The following ZFP91 variants were observed in gnomAD, a reference collection of about 807,000 sequenced individuals.
The protein encoded by ZFP91 is ZFP91 zinc finger protein, atypical E3 ubiquitin ligase.
A neutral mutation model predicts 63.5 loss-of-function variants in ZFP91; 7 were observed. That is an observed-to-expected ratio of 0.11 (90% confidence interval 0.06 to 0.21). ZFP91 has a LOEUF of 0.21. Ranked by LOEUF, ZFP91 falls within the 10% of genes least tolerant of loss-of-function variation. ZFP91 has a pLI of 1.00. For missense variants in ZFP91, 628 were observed against 736.6 expected, an observed-to-expected ratio of 0.85 and a Z score of 1.71; for synonymous variants, 330 against 272.1, an observed-to-expected ratio of 1.21 and a Z score of -2.10.
At chr11:58,611,582 T>G (rs777579558) in intron 5 of ZFP91, 22 bp from the exon 6 acceptor site, 1 of 1,608,400 alleles carries the variant, frequency 6.2e-7, no homozygotes, top group East Asian at 2.2e-5. Flanking sequence ...TGTCTAGTAT[T>G]GAAATGCATT....
chr11:58,618,964 G>C lies in ZFP91; in HGVS notation c.*1258G>C, dbSNP rs976643688. On this transcript the variant is annotated 3_prime_UTR_variant, in exon 11 of 11. Coordinates refer to ENST00000316059, the MANE Select transcript of ZFP91 (RefSeq NM_053023.5). ...AATTTGTTTCTTTTCCTTTTTTTTTGTCCCTACCATTTCCTTACATTTCCC... is the reference window on the plus strand; with the variant it reads ...AATTTGTTTCTTTTCCTTTTTTTTTCTCCCTACCATTTCCTTACATTTCCC... The C allele has an allele frequency of 1.2e-4, 28 of 227,604 alleles. No individual in the cohort carries two copies. The highest frequency in any genetic ancestry group is 2.1e-4 in the Non-Finnish European group (24 of 114,740). The allele number at this position is 227,604 out of a possible 1,614,324, so 14.1% of individuals were successfully genotyped here.
chr11:58,609,029 C>T (rs1219803098), intron 2 of ZFP91, among the ~76,000 whole-genome samples: 1 of 152,070 alleles, frequency 6.6e-6, no homozygotes, highest in Non-Finnish European at 1.5e-5. Context: ...CTTTCCCGTT[C>T]TGAGTTTATT....
Position 58,617,562 on chromosome 11 carries a change from G to A in ZFP91, c.1569G>A (p.Thr523=), listed in dbSNP as rs148313858. The change falls in exon 11 of 11, where the codon ACG becomes ACA. Residue 523 remains threonine, a synonymous_variant. Transcript: ENST00000316059. This position sits in a 1 kb window ranked among gnomAD's most constrained non-coding sequence, Gnocchi z 4.2. ...TGTCAAAGTCATACTGCAGTGGGAC[G>A]GAACGGGTGAGCCTGATGGCTGATG... The part of the protein sequence containing the change: ...EGMSKSYCSG[T]ERVSLMADGK... 58 of 1,612,952 alleles carry A rather than the reference G, an allele frequency of 3.6e-5. No homozygotes were observed. Among genetic ancestry groups the A allele is most frequent in the Admixed American group, 5.0e-5 (3 of 59,760 alleles).
Position 58,617,070 on chromosome 11 carries a change from T to G in ZFP91, c.1203-126T>G, listed in dbSNP as rs375930723. ...TTCAAAAGAAGTATGTTACTGATTA[T>G]TGTGTGTGTGTGTGTGTGTGTGTGT... On this transcript the variant is annotated intron_variant, in intron 10 of 10. Coordinates refer to ENST00000316059, the MANE Select transcript of ZFP91 (RefSeq NM_053023.5). This position sits in a 1 kb window ranked among gnomAD's most constrained non-coding sequence, Gnocchi z 4.2. The G allele has an allele frequency of 4.3e-5, 32 of 740,510 alleles. No homozygotes were observed. In the African/African-American group the frequency reaches 4.6e-4, roughly 11 times the overall value. The allele number at this position is 740,510 out of a possible 1,614,324, so 45.9% of individuals were successfully genotyped here.
chr11:58,615,736 C>T (rs1056768794), intron 9 of ZFP91, among the ~76,000 whole-genome samples: 3 of 152,148 alleles, frequency 2.0e-5, no homozygotes, highest in Non-Finnish European at 2.9e-5. Flanking sequence ...GAATCTCAGG[C>T]CCTGCTTCAG....
intron 7 of ZFP91, 42 bp downstream of exon 7, chr11:58,612,370 TACCAGGC>T: frequency 6.3e-7 from 1 of 1,590,382 alleles, no homozygotes; most frequent in East Asian, 2.2e-5. Flanking sequence ...CTTATTCCAG[TACCAGGC>T]ACTTTACTCA....
chr11:58,607,426 T>C (rs1434475081), intron 2 of ZFP91, among the ~76,000 whole-genome samples: 2 of 152,180 alleles, frequency 1.3e-5, no homozygotes, highest in African/African-American at 4.8e-5. Flanking sequence ...GTGCTTAGAC[T>C]GAATGGCCTT....
At position 58,579,222 on chromosome 11, in the gene ZFP91, G is replaced by A. The variant is rs1302763392; in HGVS notation, c.-60G>A. On this transcript the variant is annotated 5_prime_UTR_variant, in exon 1 of 11. Coordinates refer to ENST00000316059, the MANE Select transcript of ZFP91 (RefSeq NM_053023.5). ...GCGAGGGGGCGGGGGGAGCAGCGCC[G>A]AGGCCGCCGCCTCCGCCTCCGCCGC... 9 of 1,335,998 alleles carry A rather than the reference G, an allele frequency of 6.7e-6. No homozygotes were observed. In the African/African-American group the frequency reaches 7.9e-5, roughly 12 times the overall value. The allele number at this position is 1,335,998 out of a possible 1,614,324, so 82.8% of individuals were successfully genotyped here. A position where few individuals can be genotyped will look rare whatever the true frequency, so the allele number is the denominator to read the frequency against.
At position 58,612,420 on chromosome 11, in the gene ZFP91, T is replaced by C. The variant is rs1254845531; in HGVS notation, c.908+92T>C. ...AGACTTCATGATAATCCTGCAGGAA[T>C]GGCTATTTAAAAATTTCACAAAAGC... On this transcript the variant is annotated intron_variant, in intron 7 of 10. Coordinates refer to ENST00000316059, the MANE Select transcript of ZFP91 (RefSeq NM_053023.5). The C allele has an allele frequency of 3.0e-6, 4 of 1,323,090 alleles. No homozygotes were observed. The African/African-American group carries it at 5.9e-5, about 20-fold the overall frequency. The allele number at this position is 1,323,090 out of a possible 1,614,324, so 82.0% of individuals were successfully genotyped here. A position where few individuals can be genotyped will look rare whatever the true frequency, so the allele number is the denominator to read the frequency against.
intron 2 of ZFP91, among the ~76,000 whole-genome samples, chr11:58,604,609 A>C (rs1231464579): frequency 6.6e-6 from 1 of 152,134 alleles, no homozygotes; most frequent in Non-Finnish European, 1.5e-5. Flanking sequence ...TTTACTTTGA[A>C]CCTGTTTGTG....
In ZFP91 at chr11:58,616,775, G is replaced by T. The variant is rs759486324; in HGVS notation, c.1162G>T (p.Ala388Ser). Residue 388 changes from alanine (A) to serine (S), a missense_variant, in exon 10 of 11, where the codon GCA becomes TCA. Ala to Ser is a moderately conservative substitution (Grantham distance 99). Around this residue, in one of 3 missense-constraint regions of ZFP91, gnomAD observed 76 missense variants for 230.9 expected, o/e 0.33. Coordinates refer to ENST00000316059, the MANE Select transcript of ZFP91 (RefSeq NM_053023.5). Reference protein sequence around the residue: ...ARAFKSSHNLAVHRMIHTGEK... With the variant: ...ARAFKSSHNLSVHRMIHTGEK... ...GGCCTTCAAGAGTTCCCACAATCTGGCAGTGCACCGGATGATTCACACTGG... is the reference window on the plus strand; with the variant it reads ...GGCCTTCAAGAGTTCCCACAATCTGTCAGTGCACCGGATGATTCACACTGG... 1 of 1,613,832 alleles carries T rather than the reference G, an allele frequency of 6.2e-7. No homozygotes were observed. The highest frequency in any genetic ancestry group is 1.1e-5 in the South Asian group (1 of 91,070).
At chr11:58,614,804 C>T (rs1306579502) in intron 9 of ZFP91, among the ~76,000 whole-genome samples, 1 of 152,132 alleles carries the variant, frequency 6.6e-6, no homozygotes, top group Non-Finnish European at 1.5e-5. Context: ...GTTGAATTTG[C>T]ATGTAAACTC....
At chr11:58,583,956 C>T (rs907255834) in intron 1 of ZFP91, among the ~76,000 whole-genome samples, 26 of 152,046 alleles carry the variant, frequency 1.7e-4, no homozygotes, top group African/African-American at 6.0e-4. Context: ...CAGAGATACT[C>T]TGTGGTATCT....
chr11:58,620,766 C>G lies in ZFP91; in HGVS notation c.*3060C>G, dbSNP rs755911786. ...TTTTTCTCCTTTTGTGTTTTTCCCA[C>G]TTTCCAATGTACTCAAGAAAATTGA... On this transcript the variant is annotated 3_prime_UTR_variant, in exon 11 of 11. Transcript: ENST00000316059. 7.2e-5 allele frequency: 11 copies of G among 152,650 alleles called. No homozygotes were observed. The highest frequency in any genetic ancestry group is 9.6e-5 in the African/African-American group (4 of 41,532). 9.5% of individuals were successfully genotyped at this position (152,650 alleles called of 1,614,324 possible).
intron 1 of ZFP91, among the ~76,000 whole-genome samples, chr11:58,581,039 A>G (rs374634576): frequency 1.3e-5 from 2 of 152,176 alleles, no homozygotes; most frequent in Non-Finnish European, 1.5e-5. Flanking sequence ...TTCCTTACCT[A>G]TAGAGGATAA....
chr11:58,604,765 CATT>C (rs1417150546), intron 2 of ZFP91, among the ~76,000 whole-genome samples: 4 of 152,136 alleles, frequency 2.6e-5, no homozygotes, highest in Non-Finnish European at 5.9e-5. Flanking sequence ...TATCAGCTAT[CATT>C]AGTGTATTTT....
At chr11:58,605,480 G>T (rs1346636768) in intron 2 of ZFP91, among the ~76,000 whole-genome samples, 1 of 151,832 alleles carries the variant, frequency 6.6e-6, no homozygotes, top group Non-Finnish European at 1.5e-5. Flanking sequence ...GTGATAATCT[G>T]TTTTTGATTT....
intron 2 of ZFP91, among the ~76,000 whole-genome samples, chr11:58,602,943 C>CA (rs1244796109): frequency 6.6e-6 from 1 of 152,000 alleles, no homozygotes; most frequent in Non-Finnish European, 1.5e-5. Context: ...TGCGCCGTTG[C>CA]ACTCCAGCCT....
intron 2 of ZFP91, among the ~76,000 whole-genome samples, chr11:58,607,422 A>C (rs1265739831): frequency 6.6e-6 from 1 of 152,152 alleles, no homozygotes; most frequent in East Asian, 1.9e-4. Flanking sequence ...GATTGTGCTT[A>C]GACTGAATGG....
Sources: gnomAD v4.1 joint callset for allele counts (sites outside exome capture counted in the v4.1 genomes callset) on GRCh38, gnomAD v4.1.1 for gene constraint, gnomAD v4.1.1 regional missense constraint, Gnocchi (gnomAD v3.1) non-coding constraint, MANE v1.5 for transcripts, NCBI Gene and HGNC (gene_info 2026-07-23, HGNC 2026-07-21) for gene names.